The following TRAK1 variants were observed in gnomAD, a reference collection of about 807,000 sequenced individuals.
The protein encoded by TRAK1 is trafficking kinesin protein 1, also known as trafficking kinesin-binding protein 1.
Under a neutral mutation model 92.1 loss-of-function variants are expected in TRAK1, and 33 were observed. The ratio of observed to expected loss-of-function variants is 0.36; its 90% CI spans 0.27 to 0.48. TRAK1 has a LOEUF of 0.48. Among genes scored for constraint, TRAK1 ranks in the 20% least tolerant of loss-of-function variants. TRAK1 has a pLI of 0.99. For missense variants in TRAK1, 1,123 were observed against 1,257.9 expected (o/e 0.89, Z 1.62); for synonymous variants, 521 against 517.3 (o/e 1.01, Z -0.10).
At chr3:42,152,021 G>T (rs1294150654) in intron 2 of TRAK1, among the ~76,000 whole-genome samples, 10 of 152,216 alleles carry the variant, frequency 6.6e-5, no homozygotes, top group Non-Finnish European at 1.3e-4. Context: ...ATATGGATGG[G>T]AATATAGATT....
At chr3:42,029,731 G>A (rs1233644150) in intron 1 of TRAK1, among the ~76,000 whole-genome samples, 1 of 151,940 alleles carries the variant, frequency 6.6e-6, no homozygotes, top group Admixed American at 6.6e-5. Context: ...TGTATTTTTA[G>A]TAGAGACGAG....
intron 1 of TRAK1, among the ~76,000 whole-genome samples, chr3:42,108,019 A>G (rs1455935988): frequency 6.6e-6 from 1 of 151,924 alleles, no homozygotes; most frequent in African/African-American, 2.4e-5. Flanking sequence ...CCTTTGAGAA[A>G]GGCTCTCACA....
chr3:42,026,835 T>A (rs981192246), intron 1 of TRAK1, among the ~76,000 whole-genome samples: 2 of 152,150 alleles, frequency 1.3e-5, no homozygotes, highest in African/African-American at 4.8e-5. Flanking sequence ...AGTGATCAAC[T>A]TTTGTCAGTA....
chr3:42,143,039 T>C (rs1698869282), intron 2 of TRAK1, among the ~76,000 whole-genome samples: 1 of 152,240 alleles, frequency 6.6e-6, no homozygotes, highest in African/African-American at 2.4e-5. Context: ...CAAGGAGCCC[T>C]GTTAAGGTCT....
chr3:42,221,677 C>T (rs1710367414), intron 15 of TRAK1, among the ~76,000 whole-genome samples: 1 of 152,156 alleles, frequency 6.6e-6, no homozygotes, highest in Non-Finnish European at 1.5e-5. Flanking sequence ...ACTGGCAGCC[C>T]CAGCAAAATC....
chr3:42,050,667 A>AT (rs976715984), intron 1 of TRAK1, among the ~76,000 whole-genome samples: 2 of 151,216 alleles, frequency 1.3e-5, no homozygotes, highest in Non-Finnish European at 2.9e-5. Flanking sequence ...TTTAATTTTT[A>AT]TTTTTTTTGA....
Position 42,194,828 on chromosome 3 carries a change from G to A in TRAK1, c.1000G>A (p.Ala334Thr), listed in dbSNP as rs771516117. Residue 334 changes from alanine (A) to threonine (T), a missense_variant, in exon 10 of 16, where the codon GCA becomes ACA. This residue lies in a region of TRAK1 where 686 missense variants were observed against 747.6 expected (regional missense o/e 0.92). Transcript: ENST00000327628. ...GCTGCGTGAGCTGGAGGACAAGTAC[G>A]CAGAGTGCATGGAGATGCTGCATGA... ...AELRELEDKY[A>T]ECMEMLHEAQ... 2.5e-5 allele frequency: 40 copies of A among 1,613,610 alleles called. No individual in the cohort carries two copies. Among genetic ancestry groups the A allele is most frequent in the Admixed American group, 1.8e-4 (11 of 59,948 alleles).
intron 6 of TRAK1, among the ~76,000 whole-genome samples, chr3:42,189,563 C>G (rs866954007): frequency 3.3e-5 from 5 of 152,054 alleles, no homozygotes; most frequent in South Asian, 4.1e-4. Flanking sequence ...GATGGAGTCT[C>G]GCTATGTCAC....
At chr3:42,219,204 C>A (rs963702527) in intron 14 of TRAK1, 15 of 985,070 alleles carry the variant, frequency 1.5e-5, no homozygotes, top group African/African-American at 3.5e-5. Flanking sequence ...CCCCCCTCGC[C>A]TCCCACCCCC....
intron 6 of TRAK1, 38 bp downstream of exon 6, chr3:42,189,162 G>A (rs751905976): frequency 2.0e-6 from 3 of 1,520,604 alleles, no homozygotes; most frequent in South Asian, 1.1e-5. Flanking sequence ...TGCTAGAAGG[G>A]TGGTGGCCCC....
intron 2 of TRAK1, among the ~76,000 whole-genome samples, chr3:42,172,569 A>AC (rs1438752769): frequency 6.6e-6 from 1 of 151,592 alleles, no homozygotes; most frequent in Non-Finnish European, 1.5e-5. Flanking sequence ...TTATTGCATA[A>AC]CCCCCCTTCA....
chr3:42,123,485 C>T (rs899994734), intron 1 of TRAK1, among the ~76,000 whole-genome samples: 1 of 152,248 alleles, frequency 6.6e-6, no homozygotes, highest in Non-Finnish European at 1.5e-5. Context: ...AGTAGCCTCC[C>T]GTGTGGAGCA....
At chr3:42,059,919 G>GT (rs1559729233) in intron 1 of TRAK1, among the ~76,000 whole-genome samples, 1 of 151,066 alleles carries the variant, frequency 6.6e-6, no homozygotes, top group Non-Finnish European at 1.5e-5. Flanking sequence ...TACTTAGTGT[G>GT]GACAATGATA....
At chr3:42,097,335 C>G (rs985820364) in intron 1 of TRAK1, among the ~76,000 whole-genome samples, 3 of 152,160 alleles carry the variant, frequency 2.0e-5, no homozygotes, top group East Asian at 1.9e-4. Context: ...GTGTGAATTC[C>G]TAGGCTGGGG....
In TRAK1 at chr3:42,202,741, A is replaced by G; in HGVS notation, c.1733A>G (p.Lys578Arg). 6.2e-7 allele frequency: 1 copy of G among 1,613,860 alleles called. No homozygotes were observed. The highest frequency in any genetic ancestry group is 8.5e-7 in the Non-Finnish European group (1 of 1,179,870). Reference protein sequence around the residue: ...SYLPEKLQIVKPLEGSATLHH... With the variant: ...SYLPEKLQIVRPLEGSATLHH... ...CTGCCTGAGAAGCTCCAGATCGTGA[A>G]GCCGCTGGAAGGTGATCACGCGGGG... is the stretch of plus-strand genomic sequence containing the variant. The change falls in exon 13 of 16, where the codon AAG (lysine) becomes AGG (arginine). Residue 578 changes from lysine to arginine, a missense_variant. Around this residue, in one of 3 missense-constraint regions of TRAK1, gnomAD observed 36 missense variants for 71.3 expected, o/e 0.50. Coordinates refer to ENST00000327628, the MANE Select transcript of TRAK1 (RefSeq NM_001042646.3). This position sits in a 1 kb window ranked among gnomAD's most constrained non-coding sequence, Gnocchi z 6.1.
intron 2 of TRAK1, among the ~76,000 whole-genome samples, chr3:42,134,610 A>G (rs1263189043): frequency 5.1e-5 from 5 of 97,128 alleles, no homozygotes; most frequent in Admixed American, 1.4e-4. Context: ...TTTTTGAGAC[A>G]GAGTCTCGCT....
chr3:42,171,643 C>A (rs1445828115), intron 2 of TRAK1, among the ~76,000 whole-genome samples: 1 of 152,174 alleles, frequency 6.6e-6, no homozygotes, highest in Non-Finnish European at 1.5e-5. Context: ...CATTCAGAAG[C>A]CCTGGACAGT....
intron 2 of TRAK1, chr3:42,160,571 T>G (rs1369555354): frequency 2.9e-6 from 4 of 1,364,436 alleles, no homozygotes; most frequent in African/African-American, 2.9e-5. Context: ...TTGTTTTTGT[T>G]TTTTTTTAAG....
intron 14 of TRAK1, among the ~76,000 whole-genome samples, chr3:42,213,906 G>A (rs1709371246): frequency 6.6e-6 from 1 of 152,092 alleles, no homozygotes; most frequent in Non-Finnish European, 1.5e-5. Flanking sequence ...TGGACAGAGT[G>A]GATAGTTGGC....
Sources: allele counts gnomAD v4.1 joint callset (sites outside exome capture counted in the v4.1 genomes callset), GRCh38; gene constraint gnomAD v4.1.1; regional missense constraint gnomAD v4.1.1; non-coding constraint Gnocchi (gnomAD v3.1); transcripts MANE v1.5; gene names NCBI Gene and HGNC (gene_info 2026-07-23, HGNC 2026-07-21).